The following PCDH7 variants were observed in gnomAD, a reference collection of about 807,000 sequenced individuals.
PCDH7 encodes protocadherin 7.
In PCDH7, 17 loss-of-function variants were observed where a neutral mutation model predicts 58.9. That is an observed-to-expected ratio of 0.29 (90% CI 0.20 to 0.43). The LOEUF (loss-of-function observed/expected upper bound fraction) is 0.43, where lower values mean the gene tolerates loss of function less well. PCDH7 is among the 20% of genes least tolerant of loss of function. The pLI is 1.00. For missense variants in PCDH7, 1,274 were observed against 1,441.0 expected, an observed-to-expected ratio of 0.88 and a Z score of 1.88; for synonymous variants, 664 against 616.4, an observed-to-expected ratio of 1.08 and a Z score of -1.14.
chr4:31,057,830 A>C (rs1757375893), intron 3 of PCDH7, among the ~76,000 whole-genome samples: 2 of 152,128 alleles, frequency 1.3e-5, no homozygotes, highest in South Asian at 4.1e-4. Context: ...AAACCGATGA[A>C]ATATCCTTGT....
chr4:30,780,953 A>T (rs753169878), intron 1 of PCDH7, among the ~76,000 whole-genome samples: 1 of 152,144 alleles, frequency 6.6e-6, no homozygotes. Flanking sequence ...TTGTACATAT[A>T]AGCAGATTGT....
At chr4:31,060,108 T>C (rs1391595104) in intron 3 of PCDH7, among the ~76,000 whole-genome samples, 1 of 151,778 alleles carries the variant, frequency 6.6e-6, no homozygotes, top group East Asian at 1.9e-4. Context: ...TTTATACAAA[T>C]GTGGCTAAAT....
chr4:30,732,545 C>T (rs967757418), exon 2 of PCDH7: 1 of 152,132 alleles, frequency 6.6e-6, no homozygotes, highest in African/African-American at 2.4e-5. Context: ...TTTATTGAGT[C>T]TCTACCACAA....
chr4:30,830,811 G>A (rs1056347849), intron 1 of PCDH7, among the ~76,000 whole-genome samples: 7 of 151,986 alleles, frequency 4.6e-5, no homozygotes, highest in African/African-American at 1.7e-4. Context: ...TATTCCAAAA[G>A]TTTTATGTAT....
intron 1 of PCDH7, among the ~76,000 whole-genome samples, chr4:30,763,615 C>A (rs1720325635): frequency 6.6e-6 from 1 of 152,194 alleles, no homozygotes; most frequent in South Asian, 2.1e-4. Flanking sequence ...GAAATATAAT[C>A]CCACAGTGCT....
chr4:30,781,772 G>T (rs1205687994), intron 1 of PCDH7, among the ~76,000 whole-genome samples: 1 of 151,902 alleles, frequency 6.6e-6, no homozygotes, highest in Non-Finnish European at 1.5e-5. Context: ...CCGACCTCAG[G>T]TGATCCGCCC....
In PCDH7 at chr4:30,963,371, G is replaced by T. The variant is rs11932441; in HGVS notation, c.*7+13156G>T. 3.6e-3 allele frequency among the ~76,000 whole-genome samples: 544 copies of T among 152,208 alleles called. 4 individuals carry two copies. Among genetic ancestry groups the T allele is most frequent in the African/African-American group, 0.012 (509 of 41,516 alleles). On this transcript the variant is annotated intron_variant, in intron 3 of 3. Coordinates refer to the PCDH7 transcript ENST00000509759. Reference sequence around the variant, plus strand: ...ACATGCTTCCTCTCACTGTTGGAGAGCCCTAAATTATGAAGTTTTCCAAGC... The same window carrying T: ...ACATGCTTCCTCTCACTGTTGGAGATCCCTAAATTATGAAGTTTTCCAAGC...
At chr4:31,011,686 C>T (rs1044030908) in intron 3 of PCDH7, among the ~76,000 whole-genome samples, 4 of 151,908 alleles carry the variant, frequency 2.6e-5, no homozygotes, top group African/African-American at 9.7e-5. Context: ...AGTACAATTT[C>T]ATCAACTCTC....
intron 3 of PCDH7, among the ~76,000 whole-genome samples, chr4:31,110,811 A>G (rs1190498875): frequency 6.6e-6 from 1 of 151,760 alleles, no homozygotes; most frequent in Non-Finnish European, 1.5e-5. Context: ...GCTACTCGGG[A>G]GGCTGAGGCA....
At chr4:31,013,802 AT>A (rs1422760158) in intron 3 of PCDH7, among the ~76,000 whole-genome samples, 2 of 152,120 alleles carry the variant, frequency 1.3e-5, no homozygotes, top group Non-Finnish European at 2.9e-5. Flanking sequence ...GCATTCTATA[AT>A]TTACATATAG....
At chr4:30,913,441 T>G in intron 1 of PCDH7, among the ~76,000 whole-genome samples, 1 of 152,200 alleles carries the variant, frequency 6.6e-6, no homozygotes, top group Non-Finnish European at 1.5e-5. Context: ...CTAGTGAATT[T>G]GAAATATGTG....
intron 1 of PCDH7, among the ~76,000 whole-genome samples, chr4:30,745,248 GTTT>G (rs60062972): frequency 8.2e-5 from 12 of 146,868 alleles, no homozygotes; most frequent in East Asian, 2.0e-4. Context: ...TTTACATCTT[GTTT>G]TTTTTTTTTA....
intron 3 of PCDH7, among the ~76,000 whole-genome samples, chr4:30,983,217 G>A (rs922016300): frequency 2.6e-5 from 4 of 152,112 alleles, no homozygotes; most frequent in African/African-American, 9.7e-5. Flanking sequence ...ACATTTACAA[G>A]TAGATATAAA....
At chr4:30,960,780 T>C (rs1172631942) in intron 3 of PCDH7, among the ~76,000 whole-genome samples, 1 of 152,188 alleles carries the variant, frequency 6.6e-6, no homozygotes, top group Non-Finnish European at 1.5e-5. Flanking sequence ...CTCAGTTTCA[T>C]TCACCTGATG....
intron 2 of PCDH7, among the ~76,000 whole-genome samples, chr4:30,945,194 G>A (rs1330305597): frequency 1.3e-5 from 2 of 151,956 alleles, no homozygotes; most frequent in African/African-American, 4.8e-5. Context: ...ATTTACTCTA[G>A]ATTTAAGAAA....
intron 3 of PCDH7, among the ~76,000 whole-genome samples, chr4:31,108,039 T>G (rs1715799352): frequency 1.3e-5 from 2 of 152,280 alleles, no homozygotes; most frequent in African/African-American, 4.8e-5. Context: ...TCTGCATTTT[T>G]TAGTTTGTTG....
chr4:30,797,005 A>T (rs562008510), intron 1 of PCDH7, among the ~76,000 whole-genome samples: 1 of 152,086 alleles, frequency 6.6e-6, no homozygotes, highest in Admixed American at 6.5e-5. Context: ...CAGTAGCCCA[A>T]GGTGGAGTGC....
In PCDH7 at chr4:30,961,943, A is replaced by G. The variant is rs1036853842; in HGVS notation, c.*7+11728A>G. 3.3e-5 allele frequency among the ~76,000 whole-genome samples: 5 copies of G among 152,322 alleles called. No individual in the cohort carries two copies. In the East Asian group the frequency reaches 9.6e-4, roughly 29 times the overall value. ...CAATAACTTCCAAGCTTTTAATTTT[A>G]CTAATGCTAATCTCTCCCACTCATC... is the stretch of plus-strand genomic sequence containing the variant. On this transcript the variant is annotated intron_variant, in intron 3 of 3. Coordinates refer to the PCDH7 transcript ENST00000509759.
intron 3 of PCDH7, among the ~76,000 whole-genome samples, chr4:30,961,410 G>A (rs1384129346): frequency 6.6e-6 from 1 of 151,774 alleles, no homozygotes; most frequent in African/African-American, 2.4e-5. Context: ...AAATTTGCCA[G>A]GTGTGGTAGC....
Sources: gnomAD v4.1 joint callset for allele counts (sites outside exome capture counted in the v4.1 genomes callset) on GRCh38, gnomAD v4.1.1 for gene constraint, MANE v1.5 for transcripts, NCBI Gene and HGNC (gene_info 2026-07-23, HGNC 2026-07-21) for gene names.